Variants in CAMK2D observed in about 807,000 individuals in gnomAD.
The protein encoded by CAMK2D is calcium/calmodulin-dependent protein kinase type II subunit delta.
A neutral mutation model predicts 84.0 loss-of-function variants in CAMK2D; 37 were observed. The ratio of observed to expected loss-of-function variants is 0.44; its 90% CI spans 0.34 to 0.58. The LOEUF (loss-of-function observed/expected upper bound fraction) is 0.58, where lower values mean the gene tolerates loss of function less well. CAMK2D is among the 20% of genes least tolerant of loss of function. The pLI, the probability that CAMK2D is intolerant of heterozygous loss-of-function variation, is 0.02. For synonymous variants in CAMK2D, 202 were observed against 212.5 expected (o/e 0.95, Z 0.43); for missense variants, 448 against 652.5 (o/e 0.69, Z 3.41).
intron 3 of CAMK2D, among the ~76,000 whole-genome samples, chr4:113,615,175 C>G (rs2099016232): frequency 6.6e-6 from 1 of 152,052 alleles, no homozygotes; most frequent in Non-Finnish European, 1.5e-5. Context: ...TAATTCATAG[C>G]TAAAACAAGC....
intron 16 of CAMK2D, among the ~76,000 whole-genome samples, chr4:113,467,990 TAC>T (rs1221585011): frequency 2.6e-5 from 4 of 151,654 alleles, no homozygotes; most frequent in Non-Finnish European, 4.4e-5. Context: ...TAGGAAAAAC[TAC>T]AGTTTAGAAA....
intron 2 of CAMK2D, among the ~76,000 whole-genome samples, chr4:113,662,528 G>A (rs74407121): frequency 0.027 from 4,136 of 152,246 alleles, 184 homozygotes; most frequent in African/African-American, 0.09. Context: ...ACATGTTGCT[G>A]ATAAGGGTAG....
At chr4:113,734,618 A>G (rs2099576699) in intron 2 of CAMK2D, among the ~76,000 whole-genome samples, 1 of 151,272 alleles carries the variant, frequency 6.6e-6, no homozygotes, top group African/African-American at 2.5e-5. Flanking sequence ...TCCAAGCACT[A>G]ATGCCCAAGC....
At chr4:113,756,595 T>A (rs2099629099) in intron 2 of CAMK2D, among the ~76,000 whole-genome samples, 1 of 152,086 alleles carries the variant, frequency 6.6e-6, no homozygotes, top group African/African-American at 2.4e-5. Context: ...TTCTCTGAAA[T>A]GAGTGTTATT....
At chr4:113,508,387 G>A (rs1229838943) in intron 13 of CAMK2D, 1 of 712,280 alleles carries the variant, frequency 1.4e-6, no homozygotes, top group Non-Finnish European at 2.4e-6. Flanking sequence ...TAAGTTGAAT[G>A]GAAGGAAAAA....
chr4:113,752,113 G>A (rs1006001420), intron 2 of CAMK2D, among the ~76,000 whole-genome samples: 1 of 151,922 alleles, frequency 6.6e-6, no homozygotes, highest in Non-Finnish European at 1.5e-5. Context: ...AGCTCTCGGG[G>A]AGATACAAAG....
intron 2 of CAMK2D, among the ~76,000 whole-genome samples, chr4:113,736,176 A>G (rs1023053736): frequency 6.6e-6 from 1 of 151,862 alleles, no homozygotes; most frequent in African/African-American, 2.4e-5. Context: ...ACAATTATAT[A>G]AAAGTGTATT....
chr4:113,733,862 T>A (rs1039939298), intron 2 of CAMK2D, among the ~76,000 whole-genome samples: 1 of 152,162 alleles, frequency 6.6e-6, no homozygotes, highest in Non-Finnish European at 1.5e-5. Flanking sequence ...CATCTGACTT[T>A]TAAAATACAT....
intron 4 of CAMK2D, among the ~76,000 whole-genome samples, chr4:113,565,177 T>C (rs1036607390): frequency 6.6e-6 from 1 of 152,104 alleles, no homozygotes; most frequent in African/African-American, 2.4e-5. Context: ...AGCACCACAG[T>C]GTATTGGTTT....
chr4:113,617,906 G>A (rs1423342974), intron 3 of CAMK2D, among the ~76,000 whole-genome samples: 1 of 61,942 alleles, frequency 1.6e-5, no homozygotes, highest in Non-Finnish European at 2.8e-5. Context: ...CTTTTGCTTG[G>A]GTCATACACA....
chr4:113,518,704 T>G (rs1002402015), intron 8 of CAMK2D, among the ~76,000 whole-genome samples: 1 of 152,194 alleles, frequency 6.6e-6, no homozygotes, highest in African/African-American at 2.4e-5. Context: ...TTGCCAGGTG[T>G]ACCCTGAGAC....
At chr4:113,680,101 C>T (rs1258090691) in intron 2 of CAMK2D, among the ~76,000 whole-genome samples, 1 of 152,116 alleles carries the variant, frequency 6.6e-6, no homozygotes, top group Non-Finnish European at 1.5e-5. Flanking sequence ...AAGACAGGAT[C>T]TTGCTACATT....
rs893952820 is a variant in CAMK2D, at chr4:113,663,829, A to G, written c.161-2057T>C. Among the ~76,000 whole-genome samples the G allele has an allele frequency of 1.7e-4, 26 of 152,190 alleles. 1 individual carries two copies. Among genetic ancestry groups the G allele is most frequent in the African/African-American group, 5.3e-4 (22 of 41,560 alleles). ...CAGAGTTTTTGCTATAGAGATAAAC[A>G]TAACTATAAAAAAATTATCGTATGA... On this transcript the variant is annotated intron_variant, in intron 2 of 20. Coordinates refer to ENST00000511664, the MANE Select transcript of CAMK2D (RefSeq NM_001321571.2).
At chr4:113,635,666 G>A (rs1251484386) in intron 3 of CAMK2D, among the ~76,000 whole-genome samples, 1 of 152,074 alleles carries the variant, frequency 6.6e-6, no homozygotes, top group Non-Finnish European at 1.5e-5. Flanking sequence ...AAATACAGTG[G>A]GCATAATGTG....
At chr4:113,593,463 G>A (rs2098904202) in intron 4 of CAMK2D, among the ~76,000 whole-genome samples, 1 of 152,150 alleles carries the variant, frequency 6.6e-6, no homozygotes, top group African/African-American at 2.4e-5. Flanking sequence ...ATTGCTGAAG[G>A]ATCAGTGTGG....
intron 16 of CAMK2D, among the ~76,000 whole-genome samples, chr4:113,481,861 A>C (rs1255768815): frequency 1.3e-5 from 2 of 152,242 alleles, no homozygotes; most frequent in African/African-American, 4.8e-5. Flanking sequence ...AGACTTAAAA[A>C]GAGAAAGGGC....
intron 17 of CAMK2D, 74 bp from the exon 18 acceptor site, chr4:113,460,315 T>C (rs1389291917): frequency 3.1e-5 from 26 of 851,472 alleles, no homozygotes; most frequent in Non-Finnish European, 9.9e-6. Flanking sequence ...TGTGTAAACA[T>C]TCTGATTTAC....
chr4:113,754,249 A>G, intron 2 of CAMK2D: 1 of 976,386 alleles, frequency 1.0e-6, no homozygotes, highest in Non-Finnish European at 1.2e-6. Context: ...CATACATTAC[A>G]CCCTAATAAA....
At chr4:113,580,718 T>C (rs983110507) in intron 4 of CAMK2D, among the ~76,000 whole-genome samples, 1 of 152,152 alleles carries the variant, frequency 6.6e-6, no homozygotes, top group African/African-American at 2.4e-5. Flanking sequence ...AAAATCATGA[T>C]AATAATGGCA....
Sources: allele counts gnomAD v4.1 joint callset (sites outside exome capture counted in the v4.1 genomes callset), GRCh38; gene constraint gnomAD v4.1.1; transcripts MANE v1.5; gene names NCBI Gene and HGNC (gene_info 2026-07-23, HGNC 2026-07-21).